Variants in NCALD observed in about 807,000 individuals in gnomAD.
NCALD encodes the protein neurocalcin delta.
A neutral mutation model predicts 18.6 loss-of-function variants in NCALD; 10 were observed. That is an observed-to-expected ratio of 0.54 (90% CI 0.33 to 0.91). The LOEUF (loss-of-function observed/expected upper bound fraction) is 0.91. NCALD is among the 40% of genes least tolerant of loss of function. The pLI is 0.03. For synonymous variants in NCALD, 88 were observed against 87.4 expected, an observed-to-expected ratio of 1.01 and a Z score of -0.04; for missense variants, 184 against 247.6, an observed-to-expected ratio of 0.74 and a Z score of 1.72.
Position 101,697,121 on chromosome 8 carries a change from C to T in NCALD, c.379-4225G>A, listed in dbSNP as rs546163135. ...AAAATGATAAAGGGTATATCACCAC[C>T]GACACCACAGAAATATAAACTATCA... On this transcript the variant is annotated intron_variant, in intron 2 of 3. Coordinates refer to ENST00000220931, the MANE Select transcript of NCALD (RefSeq NM_032041.3). 6.3e-3 allele frequency among the ~76,000 whole-genome samples: 962 copies of T among 151,714 alleles called. 6 individuals are homozygous for T. Among genetic ancestry groups the T allele is most frequent in the Non-Finnish European group, 9.7e-3 (657 of 67,884 alleles).
chr8:101,885,038 T>C (rs1401878816), intron 4 of NCALD, among the ~76,000 whole-genome samples: 2 of 152,286 alleles, frequency 1.3e-5, no homozygotes, highest in East Asian at 1.9e-4. Context: ...TTCATTCTTT[T>C]AAGAGGAGGA....
chr8:101,764,248 G>C (rs1186307552), intron 1 of NCALD, among the ~76,000 whole-genome samples: 3 of 152,116 alleles, frequency 2.0e-5, no homozygotes, highest in African/African-American at 7.2e-5. Context: ...AACAATTACT[G>C]AATCCTCCAA....
intron 3 of NCALD, chr8:101,690,784 G>A (rs1357017916): frequency 9.1e-6 from 9 of 985,290 alleles, no homozygotes; most frequent in Non-Finnish European, 1.1e-5. Flanking sequence ...TGCCCACATA[G>A]TAGTTACAAT....
chr8:101,727,605 T>C (rs1178540935), intron 1 of NCALD, among the ~76,000 whole-genome samples: 1 of 152,234 alleles, frequency 6.6e-6, no homozygotes, highest in Non-Finnish European at 1.5e-5. Flanking sequence ...CTCAGCCTCC[T>C]GTGTAGCTGC....
intron 1 of NCALD, among the ~76,000 whole-genome samples, chr8:102,117,171 A>G (rs1369168793): frequency 1.3e-5 from 2 of 152,196 alleles, no homozygotes; most frequent in East Asian, 1.9e-4. Context: ...GTTGCATTCA[A>G]CCACCATTTT....
intron 1 of NCALD, among the ~76,000 whole-genome samples, chr8:101,751,700 G>T (rs1200628486): frequency 6.6e-6 from 1 of 152,082 alleles, no homozygotes; most frequent in African/African-American, 2.4e-5. Flanking sequence ...AGGAAACAAT[G>T]ATCTTCACAA....
intron 2 of NCALD, among the ~76,000 whole-genome samples, chr8:101,997,145 G>A (rs1182310726): frequency 6.6e-6 from 1 of 152,142 alleles, no homozygotes. Flanking sequence ...TTTAAGCTCT[G>A]AGAGTCAAAG....
intron 2 of NCALD, among the ~76,000 whole-genome samples, chr8:101,924,169 A>G (rs1010605700): frequency 4.6e-5 from 7 of 152,210 alleles, no homozygotes; most frequent in Admixed American, 1.3e-4. Flanking sequence ...CTCTGAGAAC[A>G]TTTAGATAAA....
At chr8:101,888,510 T>C (rs548925240) in intron 3 of NCALD, among the ~76,000 whole-genome samples, 3 of 152,192 alleles carry the variant, frequency 2.0e-5, no homozygotes, top group Admixed American at 6.5e-5. Context: ...CTCAAACTTC[T>C]ATGCTAAAGC....
intron 2 of NCALD, among the ~76,000 whole-genome samples, chr8:101,984,727 G>A (rs1264687384): frequency 1.3e-5 from 2 of 152,198 alleles, no homozygotes; most frequent in East Asian, 3.9e-4. Flanking sequence ...ACATTCTCTT[G>A]ATTAAGTTTC....
chr8:102,080,413 C>T (rs1229311824), intron 1 of NCALD, among the ~76,000 whole-genome samples: 2 of 152,116 alleles, frequency 1.3e-5, no homozygotes, highest in Non-Finnish European at 2.9e-5. Flanking sequence ...ACAAAGGGAG[C>T]GGGAGGCAGG....
At chr8:101,862,443 G>GT (rs1815582485) in intron 4 of NCALD, among the ~76,000 whole-genome samples, 1 of 152,156 alleles carries the variant, frequency 6.6e-6, no homozygotes, top group Admixed American at 6.5e-5. Context: ...AGCCTCCTTA[G>GT]TCTTAATCTT....
chr8:102,122,554 GCAA>G (rs887457121), intron 1 of NCALD, among the ~76,000 whole-genome samples: 5 of 152,150 alleles, frequency 3.3e-5, no homozygotes, highest in African/African-American at 1.2e-4. Context: ...AGGGCGTATA[GCAA>G]CAACAACAAA....
At chr8:101,992,778 A>G (rs368753304) in intron 2 of NCALD, among the ~76,000 whole-genome samples, 1 of 152,076 alleles carries the variant, frequency 6.6e-6, no homozygotes, top group East Asian at 1.9e-4. Flanking sequence ...TGTTCAGCCC[A>G]TGCCCAGGCC....
At chr8:101,853,287 C>G (rs1164445984) in intron 4 of NCALD, among the ~76,000 whole-genome samples, 4 of 152,100 alleles carry the variant, frequency 2.6e-5, no homozygotes, top group Admixed American at 6.6e-5. Context: ...AACAGAAAAC[C>G]TGACAGGCCA....
At chr8:101,912,288 TAA>T (rs1344192057) in intron 3 of NCALD, among the ~76,000 whole-genome samples, 1 of 151,798 alleles carries the variant, frequency 6.6e-6, no homozygotes, top group African/African-American at 2.4e-5. Flanking sequence ...AAAAAAAAAT[TAA>T]GTCATGAAAA....
rs1359792791 is a variant in NCALD, at chr8:102,033,748, G to A, written c.-209-13459C>T. Reference sequence around the variant, plus strand: ...TCTGTAATCCAGAGGATTCTCTGGGGTGCCTTATTACTTCCATATCCAGTA... The same window carrying A: ...TCTGTAATCCAGAGGATTCTCTGGGATGCCTTATTACTTCCATATCCAGTA... On this transcript the variant is annotated intron_variant, in intron 1 of 6. Transcript: ENST00000311028. Among the ~76,000 whole-genome samples the A allele has an allele frequency of 2.6e-5, 4 of 152,100 alleles. No individual in the cohort carries two copies. In the East Asian group the frequency reaches 7.7e-4, roughly 29 times the overall value.
At chr8:101,832,021 C>G (rs528907317) in intron 4 of NCALD, among the ~76,000 whole-genome samples, 1 of 152,302 alleles carries the variant, frequency 6.6e-6, no homozygotes, top group South Asian at 2.1e-4. Flanking sequence ...ACCAAACCTG[C>G]CTCTGGGTTT....
intron 3 of NCALD, among the ~76,000 whole-genome samples, chr8:101,910,019 G>C (rs1004006736): frequency 3.9e-5 from 6 of 152,120 alleles, no homozygotes; most frequent in African/African-American, 1.4e-4. Flanking sequence ...TTTTGGGTGT[G>C]AAGTCTTTCT....
Sources: gnomAD v4.1 joint callset for allele counts (sites outside exome capture counted in the v4.1 genomes callset) on GRCh38, gnomAD v4.1.1 for gene constraint, MANE v1.5 for transcripts, NCBI Gene and HGNC (gene_info 2026-07-23, HGNC 2026-07-21) for gene names.